ZFP82: variants seen among roughly 807,000 people sequenced by gnomAD.
ZFP82 encodes the protein zinc finger protein 82 homolog.
A neutral mutation model predicts 54.0 loss-of-function variants in ZFP82; 30 were observed. That is an observed-to-expected ratio of 0.56 (90% CI 0.42 to 0.75). ZFP82 has a LOEUF of 0.75. ZFP82 is among the 30% of genes least tolerant of loss of function. The pLI is 0.00. For synonymous variants in ZFP82, 194 were observed against 209.5 expected (o/e 0.93, Z 0.64); for missense variants, 500 against 636.8 (o/e 0.79, Z 2.31).
chr19:36,394,754 A>T (rs1451137699), intron 4 of ZFP82: 5 of 152,222 alleles, frequency 3.3e-5, no homozygotes, highest in Non-Finnish European at 7.3e-5. Context: ...TCTTAGATTA[A>T]AAGTCATTTC....
chr19:36,417,195 C>A lies in ZFP82; in HGVS notation c.-79+1297G>T, dbSNP rs74508682. Among the ~76,000 whole-genome samples, 283 of 152,024 alleles carry A rather than the reference C, an allele frequency of 1.9e-3. 4 individuals carry two copies. The highest frequency in any genetic ancestry group is 0.017 in the East Asian group (89 of 5,182). ...AATTGGCTTAGTATTTTCATTTTCC[C>A]CCCATCTATAGAAGGCTGATGTAGA... On this transcript the variant is annotated intron_variant, in intron 1 of 4. Transcript: ENST00000392161.
exon 2 of ZFP82, chr19:36,383,619 A>T (rs1384177611): frequency 6.6e-6 from 1 of 152,134 alleles, no homozygotes; most frequent in Non-Finnish European, 1.5e-5. Flanking sequence ...AGAAAAAAAC[A>T]AAATTATATC....
downstream of ZFP82, among the ~76,000 whole-genome samples, chr19:36,385,989 A>C (rs571840017): frequency 1.2e-3 from 181 of 152,370 alleles, no homozygotes; most frequent in Non-Finnish European, 8.7e-4. Context: ...CCATTTATGA[A>C]GTGAAAAGGT....
At chr19:36,406,097 A>G (rs1208444148) in intron 3 of ZFP82, among the ~76,000 whole-genome samples, 1 of 152,206 alleles carries the variant, frequency 6.6e-6, no homozygotes, top group Non-Finnish European at 1.5e-5. Context: ...CATTGCCTAG[A>G]GTATATACCA....
In ZFP82 at chr19:36,393,499, G is replaced by T; in HGVS notation, c.841C>A (p.Pro281Thr). The T allele has an allele frequency of 2.5e-6, 4 of 1,614,050 alleles. No individual in the cohort carries two copies. The highest frequency in any genetic ancestry group is 3.4e-6 in the Non-Finnish European group (4 of 1,180,012). Residue 281 changes from proline (P) to threonine (T), a missense_variant, in exon 5 of 5, where the codon CCC becomes ACC. By Grantham distance (38) the Pro-to-Thr change is conservative (BLOSUM62 -1). Transcript: ENST00000392161. ...TTTCCACACTCTTTACACACATAGG[G>T]TTTCTCACCAGTATGAATCCTCTGA... ...LHQRIHTGEKPYVCKECGKAF... is the reference protein window; with the variant it reads ...LHQRIHTGEKTYVCKECGKAF...
intron 1 of ZFP82, among the ~76,000 whole-genome samples, chr19:36,415,371 T>TA (rs2032652549): frequency 6.6e-5 from 10 of 151,902 alleles, no homozygotes; most frequent in Non-Finnish European, 1.2e-4. Flanking sequence ...CTAAATATAG[T>TA]TGGCAGCTTA....
intron 3 of ZFP82, 109 bp downstream of exon 3, chr19:36,407,777 AG>A (rs1312947290): frequency 1.3e-5 from 16 of 1,237,626 alleles, no homozygotes; most frequent in South Asian, 1.5e-5. Flanking sequence ...CCCTTTAGAA[AG>A]TGGAGCAAAA....
rs780473960 is a variant in ZFP82, at chr19:36,408,234, T to C, written c.10-221A>G. Among the ~76,000 whole-genome samples, 37 of 152,030 alleles carry C rather than the reference T, an allele frequency of 2.4e-4. 1 individual carries two copies. The highest frequency in any genetic ancestry group is 8.8e-5 in the Non-Finnish European group (6 of 68,010). On this transcript the variant is annotated intron_variant, in intron 2 of 4. Transcript: ENST00000392161. Reference sequence around the variant, plus strand: ...TTGCTACAGACACAGACTCTTATACTCTGGCAAATCTTAATAATCTAGATA... The same window carrying C: ...TTGCTACAGACACAGACTCTTATACCCTGGCAAATCTTAATAATCTAGATA...
At chr19:36,384,238 A>G (rs2032091949), downstream of ZFP82, 1 of 152,202 alleles carries the variant, frequency 6.6e-6, no homozygotes, top group African/African-American at 2.4e-5. Flanking sequence ...GATCAATAAG[A>G]AAGTTTAAAT....
Position 36,405,668 on chromosome 19 carries a change from G to A in ZFP82, c.141C>T (p.Cys47=). The change falls in exon 4 of 5, where the codon TGC becomes TGT. Residue 47 remains cysteine, a synonymous_variant. Transcript: ENST00000392161. ...AAATCACATCTGGTTTAGAAATGAA[G>A]CATCCTGCTTAGAAGAAAAGGAATA... ...ENYSNLVSLG[C]FISKPDVISS... 6.3e-7 allele frequency: 1 copy of A among 1,598,818 alleles called. No individual in the cohort carries two copies. Among genetic ancestry groups the A allele is most frequent in the South Asian group, 1.1e-5 (1 of 89,084 alleles).
At chr19:36,386,648 T>A (rs1377047696), downstream of ZFP82, among the ~76,000 whole-genome samples, 2 of 152,144 alleles carry the variant, frequency 1.3e-5, no homozygotes, top group African/African-American at 4.8e-5. Flanking sequence ...TAAGAGTTAA[T>A]GTTGTTTGGC....
intron 2 of ZFP82, among the ~76,000 whole-genome samples, chr19:36,408,651 T>G (rs989126103): frequency 6.6e-6 from 1 of 152,066 alleles, no homozygotes; most frequent in African/African-American, 2.4e-5. Context: ...AACCCTTGTT[T>G]CTACTAAAAA....
rs548014015 is a variant in ZFP82, at chr19:36,394,501, A to T, written c.230-391T>A. 2.7e-4 allele frequency: 46 copies of T among 170,432 alleles called. No homozygotes were observed. In the South Asian group the frequency reaches 6.7e-3, roughly 25 times the overall value. 10.6% of individuals were successfully genotyped at this position (170,432 alleles called of 1,614,324 possible). ...TGAGAGGTCGAGAATCTATACTTAA[A>T]TTTTTTTCATCTTTCTTCATTCTCA... On this transcript the variant is annotated intron_variant, in intron 4 of 4. Coordinates refer to ENST00000392161, the MANE Select transcript of ZFP82 (RefSeq NM_133466.4).
rs564383035 is a variant in ZFP82, at chr19:36,389,946, C to T, written c.*2795G>A. Among the ~76,000 whole-genome samples, 191 of 152,260 alleles carry T rather than the reference C, an allele frequency of 1.3e-3. 2 individuals carry two copies. Among genetic ancestry groups the T allele is most frequent in the Non-Finnish European group, 1.3e-3 (88 of 68,018 alleles). On this transcript the variant is annotated 3_prime_UTR_variant, in exon 5 of 5. Coordinates refer to ENST00000392161, the MANE Select transcript of ZFP82 (RefSeq NM_133466.4). ...CTGCCCTAACTAGACAATTACGAAT[C>T]CCCCCTAGATCCCAGAGACCAACAA... is the stretch of plus-strand genomic sequence containing the variant.
At position 36,389,885 on chromosome 19, in the gene ZFP82, C is replaced by T. The variant is rs1198116014; in HGVS notation, c.*2856G>A. ...CAGAGCCCATACTCCCAACTATCTC[C>T]TTTACCAAACTCTCATACACCAATT... On this transcript the variant is annotated 3_prime_UTR_variant, in exon 5 of 5. Coordinates refer to ENST00000392161, the MANE Select transcript of ZFP82 (RefSeq NM_133466.4). Among the ~76,000 whole-genome samples the T allele has an allele frequency of 6.6e-6, 1 of 152,162 alleles. No homozygotes were observed. Among genetic ancestry groups the T allele is most frequent in the Non-Finnish European group, 1.5e-5 (1 of 68,030 alleles).
In ZFP82 at chr19:36,400,202, C is replaced by CA. The variant is rs75007654; in HGVS notation, c.229+5377dup. 8.9e-3 allele frequency among the ~76,000 whole-genome samples: 1,353 copies of CA among 152,132 alleles called. 32 individuals carry two copies. The East Asian group carries it at 0.095, about 11-fold the overall frequency. On this transcript the variant is annotated intron_variant, in intron 4 of 4. Transcript: ENST00000392161. The stretch of plus-strand genomic sequence containing the variant: ...TTGATCAGGTAAAAATATATAAATA[C>CA]AAAAAATCATAAATGTGATTCCTCT...
intron 4 of ZFP82, among the ~76,000 whole-genome samples, chr19:36,400,872 C>T (rs1277486038): frequency 3.3e-5 from 5 of 152,168 alleles, no homozygotes; most frequent in African/African-American, 9.7e-5. Flanking sequence ...TACTGCCTCA[C>T]AAACCCTTCT....
At chr19:36,408,338 C>T (rs970892777) in intron 2 of ZFP82, among the ~76,000 whole-genome samples, 2 of 152,190 alleles carry the variant, frequency 1.3e-5, no homozygotes, top group African/African-American at 4.8e-5. Context: ...ATGTCTCCCT[C>T]ATCAATTCCC....
At chr19:36,403,801 G>A (rs914684454) in intron 4 of ZFP82, among the ~76,000 whole-genome samples, 3 of 152,060 alleles carry the variant, frequency 2.0e-5, no homozygotes, top group Non-Finnish European at 4.4e-5. Flanking sequence ...ATGATATTCT[G>A]TGAACTAGGA....
Sources: gnomAD v4.1 joint callset for allele counts (sites outside exome capture counted in the v4.1 genomes callset) on GRCh38, gnomAD v4.1.1 for gene constraint, MANE v1.5 for transcripts, NCBI Gene and HGNC (gene_info 2026-07-23, HGNC 2026-07-21) for gene names.